The following EML6 variants were observed in gnomAD, a reference collection of about 807,000 sequenced individuals.
The protein encoded by EML6 is echinoderm microtubule-associated protein-like 6.
EML6 carries 154 observed loss-of-function variants against 240.1 expected under a neutral mutation model. That is an observed-to-expected ratio of 0.64 (90% CI 0.56 to 0.73). The LOEUF (loss-of-function observed/expected upper bound fraction) is 0.73. EML6 is among the 30% of genes least tolerant of loss of function. The probability of loss-of-function intolerance (pLI) is 0.00; values close to 1 mark genes in which losing one functional copy is unlikely to be tolerated. For missense variants in EML6, 2,964 were observed against 2,474.6 expected, an observed-to-expected ratio of 1.20 and a Z score of -4.20; for synonymous variants, 1,148 against 899.0, an observed-to-expected ratio of 1.28 and a Z score of -4.95.
intron 26 of EML6, among the ~76,000 whole-genome samples, chr2:54,925,095 C>G (rs1455012276): frequency 6.6e-6 from 1 of 152,140 alleles, no homozygotes. Context: ...AGGGAAGTAA[C>G]TAAGATTAAA....
intron 2 of EML6, 50 bp from the exon 3 acceptor site, chr2:54,813,182 C>T (rs1182264269): frequency 2.2e-5 from 29 of 1,318,034 alleles, no homozygotes; most frequent in Non-Finnish European, 2.5e-5. Flanking sequence ...AAAAGGTGAT[C>T]AGTGTTTTCT....
rs1572989926 is a variant in EML6, at chr2:54,844,429, C to T, written c.1049+181C>T. ...TTGCTCCTGCTGTTGTCTTTCTTGG[C>T]TGCATCTTAAATCATGGAAATGTTT... On this transcript the variant is annotated intron_variant, in intron 8 of 41. Coordinates refer to ENST00000356458, the MANE Select transcript of EML6 (RefSeq NM_001039753.4). 4.6e-5 allele frequency among the ~76,000 whole-genome samples: 7 copies of T among 152,302 alleles called. 2 individuals carry two copies. The highest frequency in any genetic ancestry group is 4.6e-4 in the Admixed American group (7 of 15,304).
chr2:54,966,823 G>T, intron 38 of EML6, 177 bp from the exon 39 acceptor site: 1 of 452,968 alleles, frequency 2.2e-6, no homozygotes, highest in Non-Finnish European at 4.0e-6. Context: ...ATGGGAAAAT[G>T]GCCTGCTGTT....
intron 15 of EML6, among the ~76,000 whole-genome samples, chr2:54,870,285 A>T (rs1671183678): frequency 6.6e-6 from 1 of 152,192 alleles, no homozygotes; most frequent in African/African-American, 2.4e-5. Context: ...CCCCTTAAAA[A>T]GTTGTATTTG....
intron 2 of EML6, among the ~76,000 whole-genome samples, chr2:54,801,529 C>A (rs1023094725): frequency 6.6e-6 from 1 of 152,178 alleles, no homozygotes; most frequent in Non-Finnish European, 1.5e-5. Flanking sequence ...CTTGCGCCAG[C>A]TCTGAGGAGG....
chr2:54,925,782 T>A (rs893274705), intron 26 of EML6, among the ~76,000 whole-genome samples: 9 of 152,184 alleles, frequency 5.9e-5, no homozygotes, highest in African/African-American at 2.2e-4. Context: ...TTCTGTTTTT[T>A]GACACCATCT....
chr2:54,847,678 A>G (rs1271356189), intron 9 of EML6, 55 bp downstream of exon 9: 2 of 1,537,122 alleles, frequency 1.3e-6, no homozygotes, highest in African/African-American at 2.7e-5. Flanking sequence ...TAAATGTTAC[A>G]ATTTTCCTGG....
At chr2:54,903,012 A>T in intron 22 of EML6, 32 bp from the exon 23 acceptor site, 2 of 1,544,448 alleles carry the variant, frequency 1.3e-6, no homozygotes, top group Non-Finnish European at 1.7e-6. Flanking sequence ...GAAGTTTTGG[A>T]TAATAAGTGT....
chr2:54,811,115 C>A (rs191937808), intron 2 of EML6, among the ~76,000 whole-genome samples: 2 of 152,126 alleles, frequency 1.3e-5, no homozygotes, highest in African/African-American at 4.8e-5. Flanking sequence ...CCCATGTCTT[C>A]CCTCCCTGTC....
intron 11 of EML6, 95 bp from the exon 12 acceptor site, chr2:54,859,439 G>A: frequency 1.1e-6 from 1 of 940,554 alleles, no homozygotes; most frequent in Non-Finnish European, 1.6e-6. Context: ...TATATTTAAA[G>A]ATTTTACTCT....
chr2:54,891,220 A>T, intron 18 of EML6, 66 bp downstream of exon 18: 1 of 802,068 alleles, frequency 1.2e-6, no homozygotes, highest in Non-Finnish European at 2.0e-6. Context: ...AGAAAAACAA[A>T]ACAAACTGTT....
chr2:54,938,046 T>G (rs990193942), intron 28 of EML6, among the ~76,000 whole-genome samples: 4 of 152,156 alleles, frequency 2.6e-5, no homozygotes, highest in African/African-American at 9.7e-5. Flanking sequence ...GAAAAGTGAT[T>G]GTATAAAAGT....
chr2:54,794,462 C>T (rs1033787782), intron 2 of EML6, among the ~76,000 whole-genome samples: 14 of 152,282 alleles, frequency 9.2e-5, no homozygotes, highest in African/African-American at 2.9e-4. Context: ...TCTTCCCTGG[C>T]AGAAACATCT....
In EML6 at chr2:54,730,909, C is replaced by G. The variant is rs189347471; in HGVS notation, c.197+5651C>G. ...TTTCTGCCGCCTCGAAGCTTACTTTCTGATGGGGGACGCCAACAGTGAATG... is the reference window on the plus strand; with the variant it reads ...TTTCTGCCGCCTCGAAGCTTACTTTGTGATGGGGGACGCCAACAGTGAATG... On this transcript the variant is annotated intron_variant, in intron 2 of 41. Transcript: ENST00000356458. Among the ~76,000 whole-genome samples the G allele has an allele frequency of 4.6e-5, 7 of 152,286 alleles. No individual in the cohort carries two copies. In the East Asian group the frequency reaches 1.4e-3, roughly 29 times the overall value.
chr2:54,918,919 C>T (rs1674073856), intron 26 of EML6, among the ~76,000 whole-genome samples: 1 of 152,194 alleles, frequency 6.6e-6, no homozygotes, highest in Non-Finnish European at 1.5e-5. Flanking sequence ...TTATCGAACT[C>T]CTGTGTAATA....
At chr2:54,863,196 T>C (rs1670774535) in intron 12 of EML6, among the ~76,000 whole-genome samples, 1 of 152,212 alleles carries the variant, frequency 6.6e-6, no homozygotes, top group South Asian at 2.1e-4. Context: ...CTAAAGAGGA[T>C]CTGTATTGAA....
chr2:54,866,047 GTTC>G (rs1670953548), intron 13 of EML6, among the ~76,000 whole-genome samples: 1 of 152,168 alleles, frequency 6.6e-6, no homozygotes, highest in South Asian at 2.1e-4. Context: ...AGTAGTGAGA[GTTC>G]TTCTGACCTT....
chr2:54,735,917 G>A (rs924372981), intron 2 of EML6, among the ~76,000 whole-genome samples: 3 of 152,190 alleles, frequency 2.0e-5, no homozygotes, highest in African/African-American at 7.2e-5. Context: ...GTAGGGCTTC[G>A]AGGGAAGACC....
At chr2:54,968,828 C>A in intron 41 of EML6, 60 bp downstream of exon 41, 1 of 907,118 alleles carries the variant, frequency 1.1e-6, no homozygotes, top group Non-Finnish European at 1.8e-6. Flanking sequence ...CCCTCCCCAT[C>A]TCAGGCATCC....
Sources: allele counts gnomAD v4.1 joint callset (sites outside exome capture counted in the v4.1 genomes callset), GRCh38; gene constraint gnomAD v4.1.1; transcripts MANE v1.5; gene names NCBI Gene and HGNC (gene_info 2026-07-23, HGNC 2026-07-21).